Variants in KCNG2 observed in about 807,000 individuals in gnomAD.
The protein encoded by KCNG2 is potassium voltage-gated channel modifier subfamily G member 2, also known as voltage-gated potassium channel regulatory subunit KCNG2.
In KCNG2, 7 loss-of-function variants were observed where a neutral mutation model predicts 12.3. The observed-to-expected ratio is 0.57, with a 90% CI of 0.32 to 1.07. The LOEUF (loss-of-function observed/expected upper bound fraction) is 1.07, where lower values mean the gene tolerates loss of function less well. Among genes scored for constraint, KCNG2 ranks in the 50% least tolerant of loss-of-function variants. The pLI is 0.04. For missense variants in KCNG2, 703 were observed against 726.0 expected (o/e 0.97, Z 0.36); for synonymous variants, 414 against 351.4 (o/e 1.18, Z -1.99).
At chr18:79,883,149 C>A (rs2123113022) in intron 3 of KCNG2, among the ~76,000 whole-genome samples, 1 of 152,322 alleles carries the variant, frequency 6.6e-6, no homozygotes, top group Non-Finnish European at 1.5e-5. Context: ...CACGAATGGG[C>A]TCGCAGGGCC....
At chr18:79,894,094 G>A (rs79166388) in intron 3 of KCNG2, among the ~76,000 whole-genome samples, 1 of 148,170 alleles carries the variant, frequency 6.7e-6, no homozygotes, top group South Asian at 2.2e-4. Flanking sequence ...GGTTGTTCAC[G>A]CCATTCATAA....
intron 3 of KCNG2, among the ~76,000 whole-genome samples, chr18:79,874,970 A>G (rs1337703812): frequency 6.6e-6 from 1 of 152,000 alleles, no homozygotes; most frequent in East Asian, 1.9e-4. Flanking sequence ...CCCTGAGGAG[A>G]CTGATGAGGC....
chr18:79,872,379 G>A (rs1011250351), intron 3 of KCNG2, among the ~76,000 whole-genome samples: 9 of 130,386 alleles, frequency 6.9e-5, no homozygotes, highest in Non-Finnish European at 1.2e-4. Context: ...TCCACCTCCC[G>A]GGTTCAAGTG....
At chr18:79,872,706 T>C (rs1291160427) in intron 3 of KCNG2, among the ~76,000 whole-genome samples, 11 of 152,260 alleles carry the variant, frequency 7.2e-5, no homozygotes, top group Non-Finnish European at 1.6e-4. Flanking sequence ...CATCCAGCTC[T>C]GGCTCTGACA....
intron 1 of KCNG2, among the ~76,000 whole-genome samples, chr18:79,813,471 G>A (rs1413920244): frequency 4.6e-5 from 7 of 152,164 alleles, no homozygotes; most frequent in Admixed American, 2.6e-4. Context: ...ATTTGATAAA[G>A]AACATCCACA....
intron 1 of KCNG2, among the ~76,000 whole-genome samples, chr18:79,853,546 T>G (rs1027469380): frequency 6.6e-6 from 1 of 152,064 alleles, no homozygotes; most frequent in African/African-American, 2.4e-5. Flanking sequence ...TGTGCAGTGT[T>G]AGGAGGCCCC....
chr18:79,885,235 C>CA (rs1451942040), intron 3 of KCNG2, among the ~76,000 whole-genome samples: 5 of 152,114 alleles, frequency 3.3e-5, no homozygotes, highest in African/African-American at 7.2e-5. Flanking sequence ...TTAAAAAGCA[C>CA]AAAAAAAGCC....
intron 1 of KCNG2, among the ~76,000 whole-genome samples, chr18:79,828,994 T>TAA: frequency 8.5e-6 from 1 of 117,220 alleles, no homozygotes; most frequent in African/African-American, 3.1e-5. Flanking sequence ...TGCGTGTGTG[T>TAA]AACATGTCCA....
rs923467224 is a variant in KCNG2 at position 79,822,671 on chromosome 18, T to G, written c.-115+24657T>G. On this transcript the variant is annotated intron_variant, in intron 1 of 3. Transcript: ENST00000316249. This position sits in a 1 kb window ranked among gnomAD's most constrained non-coding sequence, Gnocchi z 4.4. Reference sequence around the variant, plus strand: ...GTCTTGAACTCCTGACCTCAAGGGATCCACCCACCCCGGCCTCCAAAGTGC... The same window carrying G: ...GTCTTGAACTCCTGACCTCAAGGGAGCCACCCACCCCGGCCTCCAAAGTGC... Among the ~76,000 whole-genome samples, 5 of 152,122 alleles carry G rather than the reference T, an allele frequency of 3.3e-5. No homozygotes were observed. Among genetic ancestry groups the G allele is most frequent in the African/African-American group, 1.2e-4 (5 of 41,412 alleles).
intron 2 of KCNG2, among the ~76,000 whole-genome samples, chr18:79,857,718 G>GTTAC (rs1298775615): frequency 2.2e-5 from 3 of 134,126 alleles, no homozygotes; most frequent in African/African-American, 5.6e-5. Flanking sequence ...AGGCTTGCGT[G>GTTAC]TTACTGGATC....
chr18:79,883,672 G>A (rs1457579349), intron 3 of KCNG2, among the ~76,000 whole-genome samples: 4 of 152,180 alleles, frequency 2.6e-5, no homozygotes, highest in Admixed American at 2.6e-4. Flanking sequence ...GATGAGGAGG[G>A]GCCTGTCTGG....
At chr18:79,821,581 C>T (rs976990229) in intron 1 of KCNG2, among the ~76,000 whole-genome samples, 9 of 152,160 alleles carry the variant, frequency 5.9e-5, no homozygotes, top group African/African-American at 1.9e-4. Flanking sequence ...TGAGCCACCA[C>T]GCCTGGCCTT....
intron 3 of KCNG2, among the ~76,000 whole-genome samples, chr18:79,871,263 G>T (rs1262692209): frequency 6.6e-6 from 1 of 152,248 alleles, no homozygotes; most frequent in Non-Finnish European, 1.5e-5. Flanking sequence ...AGCGCAAAAC[G>T]TGCTTGCGTC....
intron 1 of KCNG2, among the ~76,000 whole-genome samples, chr18:79,830,849 G>T (rs1334929714): frequency 1.5e-5 from 2 of 136,664 alleles, no homozygotes; most frequent in African/African-American, 2.8e-5. Flanking sequence ...GTTCTCTGCG[G>T]ACAGAGCCTT....
chr18:79,798,421 T>C (rs12959895), intron 1 of KCNG2, among the ~76,000 whole-genome samples: 54,326 of 151,850 alleles, frequency 0.36, 10,198 homozygotes, highest in Middle Eastern at 0.44. Flanking sequence ...GGGGCGCGGG[T>C]CTCGGGAAAA....
At chr18:79,819,034 A>T (rs889159459) in intron 1 of KCNG2, among the ~76,000 whole-genome samples, 2 of 152,240 alleles carry the variant, frequency 1.3e-5, no homozygotes, top group Non-Finnish European at 2.9e-5. Flanking sequence ...GAGAAAACAG[A>T]CATCTAAGAA....
intron 1 of KCNG2, among the ~76,000 whole-genome samples, chr18:79,825,471 G>C (rs1471485677): frequency 6.6e-6 from 1 of 152,148 alleles, no homozygotes; most frequent in Non-Finnish European, 1.5e-5. Context: ...TATCTTTCCT[G>C]TCCTTTTCTG....
At chr18:79,829,260 CTGTG>C (rs1163917206) in intron 1 of KCNG2, among the ~76,000 whole-genome samples, 3 of 146,890 alleles carry the variant, frequency 2.0e-5, no homozygotes, top group South Asian at 2.2e-4. Flanking sequence ...GCGTGTGTGT[CTGTG>C]TGTGCATGTG....
chr18:79,843,639 A>C (rs1192532955), intron 1 of KCNG2, among the ~76,000 whole-genome samples: 2 of 152,222 alleles, frequency 1.3e-5, no homozygotes, highest in Admixed American at 1.3e-4. Flanking sequence ...AGTTGAAGTT[A>C]AGTTGTTATC....
Sources: gnomAD v4.1 joint callset for allele counts (sites outside exome capture counted in the v4.1 genomes callset) on GRCh38, gnomAD v4.1.1 for gene constraint, Gnocchi (gnomAD v3.1) non-coding constraint, MANE v1.5 for transcripts, NCBI Gene and HGNC (gene_info 2026-07-23, HGNC 2026-07-21) for gene names.